The following MAOA variants were observed in gnomAD, a reference collection of about 807,000 sequenced individuals.
MAOA encodes amine oxidase [flavin-containing] A.
MAOA carries 6 observed loss-of-function variants against 42.0 expected under a neutral mutation model. That is an observed-to-expected ratio of 0.14 (90% confidence interval 0.08 to 0.28). The LOEUF (loss-of-function observed/expected upper bound fraction) is 0.28. MAOA is among the 10% of genes least tolerant of loss of function. The probability of loss-of-function intolerance (pLI) is 1.00; values close to 1 mark genes in which losing one functional copy is unlikely to be tolerated. For synonymous variants in MAOA, 140 were observed against 154.0 expected, an observed-to-expected ratio of 0.91 and a Z score of 0.67; for missense variants, 262 against 422.3, an observed-to-expected ratio of 0.62 and a Z score of 3.33.
At chrX:43,741,281 C>T (rs913353214) in intron 11 of MAOA, among the ~76,000 whole-genome samples, 2 of 110,534 alleles carry the variant, frequency 1.8e-5, no homozygotes, top group South Asian at 3.9e-4. Flanking sequence ...AATGAAATTA[C>T]GTCTTTTTGA....
intron 1 of MAOA, among the ~76,000 whole-genome samples, chrX:43,662,780 A>G (rs1423045197): frequency 9.0e-6 from 1 of 110,861 alleles, no homozygotes; most frequent in Non-Finnish European, 1.9e-5. Flanking sequence ...ATATACTTGT[A>G]TGTAGGAGAT....
chrX:43,736,746 A>G (rs1169943683), intron 10 of MAOA, among the ~76,000 whole-genome samples: 1 of 108,992 alleles, frequency 9.2e-6, no homozygotes, highest in Non-Finnish European at 1.9e-5. Flanking sequence ...CTAGTATAAA[A>G]TTTATTTTAG....
chrX:43,735,646 G>A (rs1189107357), intron 9 of MAOA, among the ~76,000 whole-genome samples: 1 of 112,657 alleles, frequency 8.9e-6, no homozygotes, highest in African/African-American at 3.2e-5. Flanking sequence ...CCATTCCCTT[G>A]GAAGTTCTGG....
At chrX:43,682,484 A>G (rs970040775) in intron 1 of MAOA, among the ~76,000 whole-genome samples, 1 of 112,188 alleles carries the variant, frequency 8.9e-6, no homozygotes, top group Non-Finnish European at 1.9e-5. Flanking sequence ...TTGAGCAACG[A>G]AATAAATGAC....
intron 5 of MAOA, among the ~76,000 whole-genome samples, chrX:43,727,150 G>A (rs2033844271): frequency 8.9e-6 from 1 of 111,956 alleles, no homozygotes; most frequent in Admixed American, 9.4e-5. Context: ...GCTACACGGG[G>A]GTCGGGGCCC....
chrX:43,708,664 T>G (rs2033675991), intron 3 of MAOA, among the ~76,000 whole-genome samples: 1 of 86,719 alleles, frequency 1.2e-5, no homozygotes, highest in Non-Finnish European at 2.0e-5. Context: ...TTCTTGTTGT[T>G]TTTTTTTTTT....
intron 3 of MAOA, among the ~76,000 whole-genome samples, chrX:43,695,419 C>T (rs974410924): frequency 8.1e-5 from 9 of 111,586 alleles, no homozygotes; most frequent in African/African-American, 2.3e-4. Flanking sequence ...GCTAGTCTCC[C>T]AGCCACGCCC....
At position 43,740,672 on chromosome X, in the gene MAOA, G is replaced by GTTTTTT; in HGVS notation, c.1107-5_1107-4insTTTTTT. Reference sequence around the variant, plus strand: ...TTTATTTTTTTTTTTTTTTGGCTCTGTTTTATAGGAAGAAGAAAATCTGTG... The same window carrying GTTTTTT: ...TTTATTTTTTTTTTTTTTTGGCTCTGTTTTTTTTTTATAGGAAGAAGAAAATCTGTG... On this transcript the variant is annotated splice_polypyrimidine_tract_variant and intron_variant, in intron 10 of 14. Transcript: ENST00000338702. The GTTTTTT allele has an allele frequency of 1.8e-6, 2 of 1,139,687 alleles. No individual in the cohort carries two copies. The highest frequency in any genetic ancestry group is 1.2e-6 in the Non-Finnish European group (1 of 860,777). The allele number at this position is 1,139,687 out of a possible 1,213,427, so 93.9% of individuals were successfully genotyped here. A position where few individuals can be genotyped will look rare whatever the true frequency, so the allele number is the denominator to read the frequency against.
rs1289477248 is a variant in MAOA, at chrX:43,670,028, A to G, written c.74-13485A>G. ...AAGGAGGTCATCAGTGACCTTAAGGATAATGGTGATGATGATAGCTCATAC... is the reference window on the plus strand; with the variant it reads ...AAGGAGGTCATCAGTGACCTTAAGGGTAATGGTGATGATGATAGCTCATAC... On this transcript the variant is annotated intron_variant, in intron 1 of 14. Coordinates refer to ENST00000338702, the MANE Select transcript of MAOA (RefSeq NM_000240.4). Among the ~76,000 whole-genome samples the G allele has an allele frequency of 2.7e-5, 3 of 111,802 alleles. No homozygotes were observed. In the East Asian group the frequency reaches 8.4e-4, roughly 31 times the overall value.
chrX:43,707,554 C>T (rs769421912), intron 3 of MAOA, among the ~76,000 whole-genome samples: 1 of 111,756 alleles, frequency 8.9e-6, no homozygotes, highest in South Asian at 3.7e-4. Flanking sequence ...AGCTTGGATA[C>T]CTGCATTTGG....
intron 1 of MAOA, among the ~76,000 whole-genome samples, chrX:43,670,762 A>G (rs2033324250): frequency 9.2e-6 from 1 of 108,512 alleles, no homozygotes; most frequent in South Asian, 4.1e-4. Flanking sequence ...CCATGTCCCT[A>G]CAAAGAACTC....
At chrX:43,667,144 A>T (rs976705670) in intron 1 of MAOA, among the ~76,000 whole-genome samples, 3 of 110,772 alleles carry the variant, frequency 2.7e-5, no homozygotes, top group Non-Finnish European at 5.7e-5. Flanking sequence ...TATATATATA[A>T]AAAAAGATCT....
chrX:43,688,020 G>A (rs898757181), intron 2 of MAOA, among the ~76,000 whole-genome samples: 2 of 112,207 alleles, frequency 1.8e-5, no homozygotes, highest in Non-Finnish European at 3.8e-5. Flanking sequence ...CAGTGAGAGT[G>A]AGCCTTTCAA....
Position 43,718,589 on chromosome X carries a change from G to T in MAOA, c.503+5793G>T, listed in dbSNP as rs892816325. On this transcript the variant is annotated intron_variant, in intron 5 of 14. Coordinates refer to ENST00000338702, the MANE Select transcript of MAOA (RefSeq NM_000240.4). ...TGGCAGGATGGTATCTTCCAGGAAT[G>T]AGTCACACTATGGGTGGTGGGGGAG... Among the ~76,000 whole-genome samples, 5 of 109,342 alleles carry T rather than the reference G, an allele frequency of 4.6e-5. No homozygotes were observed. The Admixed American group carries it at 4.9e-4, about 11-fold the overall frequency. 95.0% of individuals were successfully genotyped at this position (109,342 alleles called of 115,157 possible). A position where few individuals can be genotyped will look rare whatever the true frequency, so the allele number is the denominator to read the frequency against.
chrX:43,697,196 T>G (rs944504693), intron 3 of MAOA, among the ~76,000 whole-genome samples: 1 of 112,408 alleles, frequency 8.9e-6, no homozygotes, highest in Non-Finnish European at 1.9e-5. Context: ...TCTTTTGACT[T>G]TATGCTGTCT....
intron 1 of MAOA, among the ~76,000 whole-genome samples, chrX:43,660,348 A>G (rs2033222570): frequency 1.8e-5 from 2 of 110,366 alleles, no homozygotes; most frequent in African/African-American, 3.3e-5. Context: ...GTGTTCTCCC[A>G]AACTTGATTT....
intron 6 of MAOA, 139 bp from the exon 7 acceptor site, chrX:43,731,102 G>A: frequency 3.5e-6 from 2 of 567,058 alleles, no homozygotes; most frequent in Non-Finnish European, 3.0e-6. Context: ...CTGTCCTAAT[G>A]AAGTCTTCTG....
intron 3 of MAOA, among the ~76,000 whole-genome samples, chrX:43,710,508 C>A (rs189848929): frequency 5.6e-4 from 63 of 112,272 alleles, no homozygotes; most frequent in Non-Finnish European, 1.1e-3. Flanking sequence ...TCCAATACAG[C>A]TTTCAGTATT....
At chrX:43,742,355 A>T (rs2033966301) in intron 12 of MAOA, among the ~76,000 whole-genome samples, 2 of 112,405 alleles carry the variant, frequency 1.8e-5, no homozygotes. Flanking sequence ...ATTTAGTCTC[A>T]CATGACTGCC....
Sources: allele counts gnomAD v4.1 joint callset (sites outside exome capture counted in the v4.1 genomes callset), GRCh38; gene constraint gnomAD v4.1.1; transcripts MANE v1.5; gene names NCBI Gene and HGNC (gene_info 2026-07-23, HGNC 2026-07-21).